Variants in ADARB1 observed in about 807,000 individuals in gnomAD.
The protein encoded by ADARB1 is double-stranded RNA-specific editase 1.
Under a neutral mutation model 52.4 loss-of-function variants are expected in ADARB1, and 10 were observed. The observed-to-expected ratio is 0.19, with a 90% CI of 0.12 to 0.32. ADARB1 has a LOEUF of 0.32. Ranked by LOEUF, ADARB1 falls within the 10% of genes least tolerant of loss-of-function variation. The probability of loss-of-function intolerance (pLI) is 1.00; values close to 1 mark genes in which losing one functional copy is unlikely to be tolerated. For missense variants in ADARB1, 643 were observed against 922.3 expected (o/e 0.70, Z 3.92); for synonymous variants, 349 against 371.1 (o/e 0.94, Z 0.68).
intron 1 of ADARB1, among the ~76,000 whole-genome samples, chr21:45,102,682 G>A (rs772875140): frequency 2.6e-4 from 39 of 152,256 alleles, no homozygotes; most frequent in South Asian, 4.1e-4. Flanking sequence ...AAGTAGTATT[G>A]GATTATAGCC....
chr21:45,161,823 A>G (rs2090986735), intron 2 of ADARB1, among the ~76,000 whole-genome samples: 1 of 152,064 alleles, frequency 6.6e-6, no homozygotes, highest in East Asian at 1.9e-4. Context: ...ATCAGCACAC[A>G]CTTTCCTCTG....
chr21:45,222,133 A>G lies in ADARB1; in HGVS notation c.2042A>G (p.Lys681Arg). 6.2e-7 allele frequency: 1 copy of G among 1,611,142 alleles called. No individual in the cohort carries two copies. Among genetic ancestry groups the G allele is most frequent in the South Asian group, 1.1e-5 (1 of 90,740 alleles). ...GCGCGTCTGTTCACAGCCTTCATCA[A>G]GGCGGGGCTGGGGGCCTGGGTGGAG... ...AKARLFTAFI[K>R]AGLGAWVEKP... The change falls in exon 11 of 11, where the codon AAG (lysine) becomes AGG (arginine). Residue 681 changes from lysine (K) to arginine (R), a missense_variant. Physicochemically the swap from Lys to Arg is conservative, Grantham distance 26. Transcript: ENST00000348831.
chr21:45,178,691 G>A (rs981372190), intron 4 of ADARB1, among the ~76,000 whole-genome samples: 5 of 152,260 alleles, frequency 3.3e-5, no homozygotes, highest in South Asian at 4.1e-4. Context: ...TCATCCCTGC[G>A]TGTCACTGCA....
chr21:45,214,048 G>C (rs1377231596), intron 9 of ADARB1, among the ~76,000 whole-genome samples: 3 of 152,164 alleles, frequency 2.0e-5, no homozygotes. Flanking sequence ...TTATATGCCG[G>C]CACGCAGTAC....
chr21:45,183,374 T>G lies in ADARB1; in HGVS notation c.1260T>G (p.Asp420Glu). 6.2e-7 allele frequency: 1 copy of G among 1,600,054 alleles called. No individual in the cohort carries two copies. Among genetic ancestry groups the G allele is most frequent in the Non-Finnish European group, 8.5e-7 (1 of 1,176,330 alleles). ...QLELYLNNKD[D>E]QKRSIFQKSE... Reference sequence around the variant, plus strand: ...TTTTTCCTTTCAGTAACAAAGATGATCAAAAAAGATCCATCTTTCAGAAAT... The same window carrying G: ...TTTTTCCTTTCAGTAACAAAGATGAGCAAAAAAGATCCATCTTTCAGAAAT... Residue 420 changes from aspartate to glutamate, a missense_variant, in exon 7 of 11, where the codon GAT (aspartate) becomes GAG (glutamate). By Grantham distance (45) the Asp-to-Glu change is conservative. This residue lies in a region of ADARB1 where 263 missense variants were observed against 475.8 expected (regional missense o/e 0.55). Transcript: ENST00000348831.
chr21:45,167,508 T>C lies in ADARB1; in HGVS notation c.-47-4102T>C, dbSNP rs2091300370. Among the ~76,000 whole-genome samples, 3 of 152,226 alleles carry C rather than the reference T, an allele frequency of 2.0e-5. No individual in the cohort carries two copies. The South Asian group carries it at 6.2e-4, about 32-fold the overall frequency. On this transcript the variant is annotated intron_variant, in intron 2 of 10. Transcript: ENST00000348831. ...GACTCATGCCTGTAATCCCAGCACT[T>C]TGGAGGTCAAGGCAGGCAGATCACC...
rs548099829 is a variant in ADARB1, at chr21:45,079,633, T to C, written c.-220+4840T>C. Among the ~76,000 whole-genome samples the C allele has an allele frequency of 3.9e-5, 6 of 152,370 alleles. No homozygotes were observed. The East Asian group carries it at 1.2e-3, about 29-fold the overall frequency. ...GTCTAATCTCTGTGCTTCAGTTTTC[T>C]CATCTATAAATTAGGAAGAATAAAA... On this transcript the variant is annotated intron_variant, in intron 1 of 10. Coordinates refer to ENST00000348831, the MANE Select transcript of ADARB1 (RefSeq NM_001112.4).
In ADARB1 at chr21:45,176,467, G is replaced by T; in HGVS notation, c.766G>T (p.Gly256Trp). The change falls in exon 4 of 11, where the codon GGG becomes TGG. Residue 256 changes from glycine to tryptophan, a missense_variant. By Grantham distance (184) the Gly-to-Trp change is radical. Around this residue, in one of 2 missense-constraint regions of ADARB1, gnomAD observed 380 missense variants for 446.5 expected, o/e 0.85. Coordinates refer to ENST00000348831, the MANE Select transcript of ADARB1 (RefSeq NM_001112.4). This position sits in a 1 kb window ranked among gnomAD's most constrained non-coding sequence, Gnocchi z 5.8. The stretch of plus-strand genomic sequence containing the variant: ...CAAGTATGACTTCCTCTCCGAGAGC[G>T]GGGAGAGCCATGCCAAGAGCTTCGT... ...GLKYDFLSES[G>W]ESHAKSFVMS... 1 of 1,614,174 alleles carries T rather than the reference G, an allele frequency of 6.2e-7. No individual in the cohort carries two copies. Among genetic ancestry groups the T allele is most frequent in the Non-Finnish European group, 8.5e-7 (1 of 1,180,044 alleles).
intron 8 of ADARB1, among the ~76,000 whole-genome samples, chr21:45,199,836 A>G (rs9980766): frequency 0.51 from 77,825 of 152,142 alleles, 20,283 homozygotes; most frequent in South Asian, 0.58. Context: ...GCATAGCACA[A>G]AGCCATCCAT....
At chr21:45,170,329 A>C (rs578146618) in intron 2 of ADARB1, among the ~76,000 whole-genome samples, 1 of 152,388 alleles carries the variant, frequency 6.6e-6, no homozygotes, top group Non-Finnish European at 1.5e-5. Flanking sequence ...CAGTATTTAC[A>C]TTTAAGTTTC....
intron 2 of ADARB1, among the ~76,000 whole-genome samples, chr21:45,164,339 T>C (rs925944579): frequency 3.3e-5 from 5 of 152,044 alleles, no homozygotes; most frequent in Non-Finnish European, 7.4e-5. Flanking sequence ...GCACAAGTAC[T>C]GGGGCTGCCA....
intron 8 of ADARB1, among the ~76,000 whole-genome samples, chr21:45,201,286 A>G (rs1488153561): frequency 6.6e-6 from 1 of 152,192 alleles, no homozygotes; most frequent in Non-Finnish European, 1.5e-5. Context: ...GAGGTGCATT[A>G]GTGGAAGCTG....
At chr21:45,095,955 AC>A (rs1244632158) in intron 1 of ADARB1, among the ~76,000 whole-genome samples, 1 of 152,220 alleles carries the variant, frequency 6.6e-6, no homozygotes, top group African/African-American at 2.4e-5. Context: ...CCCACTTTTT[AC>A]CCTCTCAAAT....
chr21:45,171,485 G>C, intron 2 of ADARB1, 125 bp from the exon 3 acceptor site: 1 of 660,222 alleles, frequency 1.5e-6, no homozygotes, highest in Non-Finnish European at 2.6e-6. Flanking sequence ...ACAAGACCTA[G>C]TTCTTATTTT....
intron 1 of ADARB1, among the ~76,000 whole-genome samples, chr21:45,099,389 G>A (rs1028122141): frequency 2.6e-5 from 4 of 152,280 alleles, no homozygotes; most frequent in South Asian, 2.1e-4. Flanking sequence ...GGCTGGGCGC[G>A]GTGGGTGGCT....
At chr21:45,154,204 A>G in intron 2 of ADARB1, among the ~76,000 whole-genome samples, 1 of 152,222 alleles carries the variant, frequency 6.6e-6, no homozygotes, top group East Asian at 1.9e-4. Context: ...TAAGAAATTG[A>G]GAGGGTTATA....
chr21:45,124,787 A>G (rs2330008), intron 1 of ADARB1, among the ~76,000 whole-genome samples: 17,235 of 135,410 alleles, frequency 0.13, 1,188 homozygotes, highest in East Asian at 0.28. Context: ...GTGTGTGTGT[A>G]TGTGTGTGTG....
chr21:45,134,729 G>A (rs775226578), intron 2 of ADARB1: 4 of 519,082 alleles, frequency 7.7e-6, no homozygotes, highest in Admixed American at 2.0e-5. Context: ...AATTGAAATG[G>A]CCAATGAGCA....
intron 2 of ADARB1, among the ~76,000 whole-genome samples, chr21:45,150,486 A>C (rs537707460): frequency 6.6e-6 from 1 of 152,352 alleles, no homozygotes; most frequent in South Asian, 2.1e-4. Context: ...CTGAGTTTTA[A>C]ATTTAATACT....
Sources: gnomAD v4.1 joint callset for allele counts (sites outside exome capture counted in the v4.1 genomes callset) on GRCh38, gnomAD v4.1.1 for gene constraint, gnomAD v4.1.1 regional missense constraint, Gnocchi (gnomAD v3.1) non-coding constraint, MANE v1.5 for transcripts, NCBI Gene and HGNC (gene_info 2026-07-23, HGNC 2026-07-21) for gene names.